Variants in FGF12 observed in about 807,000 individuals in gnomAD.
The protein encoded by FGF12 is fibroblast growth factor 12, also known as fibroblast growth factor 12B.
A neutral mutation model predicts 23.6 loss-of-function variants in FGF12; 14 were observed. The observed-to-expected ratio is 0.59, with a 90% CI of 0.39 to 0.93. The LOEUF (loss-of-function observed/expected upper bound fraction) is 0.93, where lower values mean the gene tolerates loss of function less well. Ranked by LOEUF, FGF12 falls within the 40% of genes least tolerant of loss-of-function variation. The probability of loss-of-function intolerance (pLI) is 0.00; values close to 1 mark genes in which losing one functional copy is unlikely to be tolerated. For synonymous variants in FGF12, 62 were observed against 77.3 expected (o/e 0.80, Z 1.04); for missense variants, 175 against 217.8 (o/e 0.80, Z 1.24).
At chr3:192,374,679 A>G (rs1411380653) in intron 2 of FGF12, among the ~76,000 whole-genome samples, 1 of 152,168 alleles carries the variant, frequency 6.6e-6, no homozygotes, top group Admixed American at 6.6e-5. Context: ...TAGCTCTATG[A>G]AGTTAGTATT....
chr3:192,313,471 A>T (rs1480017090), intron 4 of FGF12, among the ~76,000 whole-genome samples: 2 of 152,218 alleles, frequency 1.3e-5, no homozygotes, highest in African/African-American at 4.8e-5. Flanking sequence ...CGAAGAATAA[A>T]GGTTGAAGTA....
intron 2 of FGF12, among the ~76,000 whole-genome samples, chr3:192,587,804 AG>A (rs1423423528): frequency 7.9e-5 from 12 of 151,938 alleles, no homozygotes; most frequent in Non-Finnish European, 4.4e-5. Context: ...TGGGTGACAC[AG>A]GGAGACCCTC....
At chr3:192,167,772 A>ATATATTTTTTT (rs1715302128) in intron 5 of FGF12, among the ~76,000 whole-genome samples, 1 of 15,396 alleles carries the variant, frequency 6.5e-5, no homozygotes, top group African/African-American at 2.2e-4. Context: ...TATATATAAA[A>ATATATTTTTTT]TTTTTTTTTT....
intron 2 of FGF12, among the ~76,000 whole-genome samples, chr3:192,541,340 C>A (rs1577044364): frequency 6.6e-6 from 1 of 152,062 alleles, no homozygotes; most frequent in African/African-American, 2.4e-5. Flanking sequence ...CAAATAATAT[C>A]TTATAACCCA....
chr3:192,360,552 T>C lies in FGF12; in HGVS notation c.14-14A>G. 1 of 1,583,792 alleles carries C rather than the reference T, an allele frequency of 6.3e-7. No individual in the cohort carries two copies. The highest frequency in any genetic ancestry group is 8.7e-7 in the Non-Finnish European group (1 of 1,152,596). On this transcript the variant is annotated splice_polypyrimidine_tract_variant and intron_variant, in intron 2 of 5. Transcript: ENST00000445105. The surrounding 1 kb of genome is among the most constrained non-coding windows in gnomAD (Gnocchi z 4.3). ...TGAGCTGGGGTTCTGCAAAACAAAA[T>C]AATTATTCAAATTTTTATTTGGCTT...
intron 4 of FGF12, among the ~76,000 whole-genome samples, chr3:192,221,087 A>G (rs977124816): frequency 6.6e-6 from 1 of 152,230 alleles, no homozygotes; most frequent in Non-Finnish European, 1.5e-5. Context: ...ACTGGGTCTC[A>G]GCCAAACATG....
At chr3:192,359,812 A>G (rs1171660742) in intron 3 of FGF12, among the ~76,000 whole-genome samples, 1 of 151,594 alleles carries the variant, frequency 6.6e-6, no homozygotes, top group Non-Finnish European at 1.5e-5. Context: ...AAATTTTTAA[A>G]TTCCATTTCA....
chr3:192,572,287 T>C (rs772892647), intron 2 of FGF12, among the ~76,000 whole-genome samples: 3 of 152,226 alleles, frequency 2.0e-5, no homozygotes. Context: ...CATTTAATGA[T>C]TTATTCCTTG....
intron 2 of FGF12, among the ~76,000 whole-genome samples, chr3:192,537,409 A>T (rs1027790610): frequency 1.3e-5 from 2 of 152,150 alleles, no homozygotes; most frequent in Non-Finnish European, 2.9e-5. Flanking sequence ...ACTAATTTAC[A>T]TTCCCACCAA....
chr3:192,434,327 A>AAGG (rs1721951792), intron 2 of FGF12, among the ~76,000 whole-genome samples: 1 of 152,172 alleles, frequency 6.6e-6, no homozygotes, highest in African/African-American at 2.4e-5. Flanking sequence ...ACTGAGACAG[A>AAGG]TCAAGCTCTT....
chr3:192,442,911 G>A (rs1392491874), intron 2 of FGF12, among the ~76,000 whole-genome samples: 4 of 151,460 alleles, frequency 2.6e-5, no homozygotes, highest in East Asian at 1.9e-4. Flanking sequence ...GAGTTCAAGC[G>A]ATTCTCCTGC....
At chr3:192,293,359 ATC>A (rs1276873648) in intron 4 of FGF12, among the ~76,000 whole-genome samples, 1 of 152,226 alleles carries the variant, frequency 6.6e-6, no homozygotes. Flanking sequence ...AAGTGTATGT[ATC>A]TGGAGATTTC....
rs138182155 is a variant in FGF12, at chr3:192,504,303, T to C, written c.14-143765A>G. Reference sequence around the variant, plus strand: ...AAATCCCTACAACACACAATTTACCTGTGTAACAAACCTGTACATGTACCC... The same window carrying C: ...AAATCCCTACAACACACAATTTACCCGTGTAACAAACCTGTACATGTACCC... On this transcript the variant is annotated intron_variant, in intron 2 of 5. Coordinates refer to ENST00000445105, the MANE Select transcript of FGF12 (RefSeq NM_004113.6). Among the ~76,000 whole-genome samples, 1,092 of 152,168 alleles carry C rather than the reference T, an allele frequency of 7.2e-3. 14 individuals carry two copies. The highest frequency in any genetic ancestry group is 0.026 in the African/African-American group (1,059 of 41,510).
chr3:192,693,768 C>A (rs574401626), intron 2 of FGF12, among the ~76,000 whole-genome samples: 110 of 152,214 alleles, frequency 7.2e-4, no homozygotes, highest in African/African-American at 2.6e-3. Flanking sequence ...AATTAAAGAT[C>A]TAAACACAGA....
At chr3:192,468,884 T>A (rs1374366134) in intron 2 of FGF12, among the ~76,000 whole-genome samples, 1 of 152,218 alleles carries the variant, frequency 6.6e-6, no homozygotes, top group Admixed American at 6.5e-5. Flanking sequence ...CTACATTTAT[T>A]AATAGAAATT....
At chr3:192,571,174 C>T (rs1430827044) in intron 2 of FGF12, among the ~76,000 whole-genome samples, 3 of 152,204 alleles carry the variant, frequency 2.0e-5, no homozygotes, top group Non-Finnish European at 4.4e-5. Flanking sequence ...AATGGACTGT[C>T]AATGTCAAAT....
intron 4 of FGF12, among the ~76,000 whole-genome samples, chr3:192,239,002 A>T (rs895050002): frequency 6.6e-6 from 1 of 152,230 alleles, no homozygotes; most frequent in Non-Finnish European, 1.5e-5. Flanking sequence ...AAAAGCAGAG[A>T]TTTTAGTGTA....
At position 192,708,413 on chromosome 3, in the gene FGF12, T is replaced by C. The variant is rs548076260; in HGVS notation, c.13+18768A>G. 1.2e-3 allele frequency among the ~76,000 whole-genome samples: 190 copies of C among 152,200 alleles called. 1 individual carries two copies. Among genetic ancestry groups the C allele is most frequent in the Non-Finnish European group, 1.5e-3 (99 of 68,032 alleles). ...ATGCCTCAGATATAATGAAAAGTGC[T>C]ATAAAAATTAAATAAACAAAGATTT... On this transcript the variant is annotated intron_variant, in intron 2 of 5. Coordinates refer to ENST00000445105, the MANE Select transcript of FGF12 (RefSeq NM_004113.6).
chr3:192,182,996 A>C (rs998525638), intron 4 of FGF12, among the ~76,000 whole-genome samples: 3 of 152,244 alleles, frequency 2.0e-5, no homozygotes, highest in Non-Finnish European at 2.9e-5. Context: ...TTATACATTC[A>C]TCTAAACATA....
Sources: gnomAD v4.1 joint callset for allele counts (sites outside exome capture counted in the v4.1 genomes callset) on GRCh38, gnomAD v4.1.1 for gene constraint, Gnocchi (gnomAD v3.1) non-coding constraint, MANE v1.5 for transcripts, NCBI Gene and HGNC (gene_info 2026-07-23, HGNC 2026-07-21) for gene names.